The following KCND2 variants were observed in gnomAD, a reference collection of about 807,000 sequenced individuals.
KCND2 encodes the protein potassium voltage-gated channel subfamily D member 2.
KCND2 carries 16 observed loss-of-function variants against 54.4 expected under a neutral mutation model. The observed-to-expected ratio is 0.29, with a 90% CI of 0.20 to 0.45. The LOEUF (loss-of-function observed/expected upper bound fraction) is 0.45. Ranked by LOEUF, KCND2 falls within the 20% of genes least tolerant of loss-of-function variation. KCND2 has a pLI of 1.00. For synonymous variants in KCND2, 317 were observed against 310.7 expected (o/e 1.02, Z -0.21); for missense variants, 486 against 824.2 (o/e 0.59, Z 5.02).
intron 1 of KCND2, among the ~76,000 whole-genome samples, chr7:120,329,457 A>G (rs1462998976): frequency 1.3e-5 from 2 of 152,024 alleles, no homozygotes; most frequent in Non-Finnish European, 2.9e-5. Context: ...TTTCCTTGCC[A>G]CCTGAAAATT....
At chr7:120,657,640 C>T (rs1562900806) in intron 1 of KCND2, among the ~76,000 whole-genome samples, 1 of 152,116 alleles carries the variant, frequency 6.6e-6, no homozygotes, top group Non-Finnish European at 1.5e-5. Context: ...TGACTTGACT[C>T]CAGGAGTTCA....
intron 1 of KCND2, among the ~76,000 whole-genome samples, chr7:120,614,851 G>A (rs1793001801): frequency 6.6e-6 from 1 of 152,300 alleles, no homozygotes; most frequent in South Asian, 2.1e-4. Flanking sequence ...ATTTCTTGAA[G>A]GAGATATTTA....
At chr7:120,532,059 A>T (rs1178926229) in intron 1 of KCND2, among the ~76,000 whole-genome samples, 2 of 152,092 alleles carry the variant, frequency 1.3e-5, no homozygotes, top group African/African-American at 2.4e-5. Flanking sequence ...TGAGTTGAGG[A>T]GGACTAAATT....
intron 1 of KCND2, among the ~76,000 whole-genome samples, chr7:120,291,624 T>C (rs1777714030): frequency 6.6e-6 from 1 of 151,914 alleles, no homozygotes; most frequent in Admixed American, 6.6e-5. Flanking sequence ...CATGACACTA[T>C]GAAGAAAGAT....
At chr7:120,566,552 C>T (rs1224992145) in intron 1 of KCND2, among the ~76,000 whole-genome samples, 1 of 152,000 alleles carries the variant, frequency 6.6e-6, no homozygotes, top group East Asian at 1.9e-4. Flanking sequence ...TGCTATATTG[C>T]CCAGGCTGAT....
chr7:120,475,351 ATCACT>A (rs1802518570), intron 1 of KCND2, among the ~76,000 whole-genome samples: 1 of 152,228 alleles, frequency 6.6e-6, no homozygotes, highest in African/African-American at 2.4e-5. Context: ...TGTACTTTTC[ATCACT>A]TCATTTCATC....
intron 1 of KCND2, among the ~76,000 whole-genome samples, chr7:120,283,808 G>A (rs904968906): frequency 2.0e-5 from 3 of 152,084 alleles, no homozygotes; most frequent in African/African-American, 4.8e-5. Context: ...TTTGCAGTAG[G>A]TACATATATA....
At chr7:120,488,426 G>A (rs1802725173) in intron 1 of KCND2, among the ~76,000 whole-genome samples, 1 of 151,988 alleles carries the variant, frequency 6.6e-6, no homozygotes, top group South Asian at 2.1e-4. Flanking sequence ...GCTTCAGGAC[G>A]AATGTGCTCT....
At chr7:120,435,051 G>T (rs1421999402) in intron 1 of KCND2, among the ~76,000 whole-genome samples, 1 of 151,650 alleles carries the variant, frequency 6.6e-6, no homozygotes, top group Non-Finnish European at 1.5e-5. Context: ...AACCTATCTT[G>T]CACATTTTAA....
chr7:120,397,995 G>GTATA (rs200944488), intron 1 of KCND2, among the ~76,000 whole-genome samples: 21 of 93,102 alleles, frequency 2.3e-4, no homozygotes, highest in African/African-American at 8.4e-4. Context: ...GTGTGTGTGT[G>GTATA]TATATATATA....
chr7:120,343,684 C>T (rs1800273680), intron 1 of KCND2, among the ~76,000 whole-genome samples: 3 of 152,080 alleles, frequency 2.0e-5, no homozygotes, highest in Admixed American at 2.0e-4. Flanking sequence ...TATTTTAAGC[C>T]ATAAGTAAAA....
At chr7:120,687,743 A>G (rs1204715816) in intron 1 of KCND2, among the ~76,000 whole-genome samples, 1 of 152,190 alleles carries the variant, frequency 6.6e-6, no homozygotes, top group Non-Finnish European at 1.5e-5. Flanking sequence ...TTTTTTTAAA[A>G]TGATAAAACA....
chr7:120,557,997 C>T (rs934083698), intron 1 of KCND2, among the ~76,000 whole-genome samples: 1 of 152,126 alleles, frequency 6.6e-6, no homozygotes, highest in African/African-American at 2.4e-5. Flanking sequence ...GGCTAACTTT[C>T]TGCAACCTGG....
chr7:120,658,967 G>T (rs549541232), intron 1 of KCND2, among the ~76,000 whole-genome samples: 34 of 152,250 alleles, frequency 2.2e-4, no homozygotes, highest in South Asian at 8.3e-4. Context: ...AAACACCTAG[G>T]AGAGATAAAG....
chr7:120,388,035 A>C (rs1801015581), intron 1 of KCND2, among the ~76,000 whole-genome samples: 1 of 152,024 alleles, frequency 6.6e-6, no homozygotes, highest in Admixed American at 6.6e-5. Context: ...ATACTTTTAA[A>C]GTTCTGATAG....
rs186632898 is a variant in KCND2, at chr7:120,320,275, G to C, written c.1115+44528G>C. Among the ~76,000 whole-genome samples, 5 of 152,240 alleles carry C rather than the reference G, an allele frequency of 3.3e-5. No individual in the cohort carries two copies. The East Asian group carries it at 7.7e-4, about 23-fold the overall frequency. ...AAAGCAAATTATTATATCTGCAAAGGAGAGTTAAGGAAAGATTAACTTCTA... is the reference window on the plus strand; with the variant it reads ...AAAGCAAATTATTATATCTGCAAAGCAGAGTTAAGGAAAGATTAACTTCTA... On this transcript the variant is annotated intron_variant, in intron 1 of 5. Transcript: ENST00000331113.
At chr7:120,336,362 T>G (rs2116357522) in intron 1 of KCND2, among the ~76,000 whole-genome samples, 1 of 152,292 alleles carries the variant, frequency 6.6e-6, no homozygotes, top group African/African-American at 2.4e-5. Context: ...ATTTTTCTTT[T>G]TAGGGTCATA....
intron 1 of KCND2, among the ~76,000 whole-genome samples, chr7:120,600,760 A>T: frequency 6.6e-6 from 1 of 151,928 alleles, no homozygotes; most frequent in East Asian, 1.9e-4. Context: ...TTCATACATG[A>T]TTTTCAAAAT....
chr7:120,347,817 A>G (rs550331528), intron 1 of KCND2, among the ~76,000 whole-genome samples: 61 of 152,156 alleles, frequency 4.0e-4, no homozygotes, highest in African/African-American at 1.4e-3. Flanking sequence ...TCAGGCTACT[A>G]TAACAAAGAA....
Sources: gnomAD v4.1 joint callset for allele counts (sites outside exome capture counted in the v4.1 genomes callset) on GRCh38, gnomAD v4.1.1 for gene constraint, MANE v1.5 for transcripts, NCBI Gene and HGNC (gene_info 2026-07-23, HGNC 2026-07-21) for gene names.